Variants in PABPC1L observed in about 807,000 individuals in gnomAD.
PABPC1L encodes polyadenylate-binding protein 1-like.
PABPC1L carries 31 observed loss-of-function variants against 66.6 expected under a neutral mutation model. The observed-to-expected ratio is 0.47, with a 90% confidence interval of 0.35 to 0.63. The LOEUF (loss-of-function observed/expected upper bound fraction) is 0.63, where lower values mean the gene tolerates loss of function less well. Ranked by LOEUF, PABPC1L falls within the 20% of genes least tolerant of loss-of-function variation. The probability of loss-of-function intolerance (pLI) is 0.00; values close to 1 mark genes in which losing one functional copy is unlikely to be tolerated. For missense variants in PABPC1L, 722 were observed against 848.8 expected (o/e 0.85, Z 1.86); for synonymous variants, 348 against 335.1 (o/e 1.04, Z -0.42).
intron 12 of PABPC1L, chr20:44,937,119 C>T: frequency 2.5e-6 from 1 of 397,774 alleles, no homozygotes. Context: ...AGCTGCTGTT[C>T]ACCAGTTTCC....
chr20:44,933,831 A>G (rs1453859428), intron 10 of PABPC1L, among the ~76,000 whole-genome samples: 2 of 141,254 alleles, frequency 1.4e-5, no homozygotes, highest in Admixed American at 7.0e-5. Flanking sequence ...GCTCACTGCA[A>G]CCTCTGCCTC....
intron 1 of PABPC1L, 78 bp from the exon 2 acceptor site, chr20:44,912,582 A>T: frequency 7.9e-7 from 1 of 1,258,626 alleles, no homozygotes; most frequent in Non-Finnish European, 1.1e-6. Flanking sequence ...GCTCCCAGTT[A>T]AGCACCTCGA....
intron 12 of PABPC1L, among the ~76,000 whole-genome samples, chr20:44,937,636 A>G (rs1747391146): frequency 6.6e-6 from 1 of 152,110 alleles, no homozygotes; most frequent in African/African-American, 2.4e-5. Context: ...GCTGGTTTCA[A>G]ACTCCTGATC....
rs1601126714 is a variant in PABPC1L at position 44,935,632 on chromosome 20, A to G, written c.1566+135A>G. ...TTTCGTTTATTAATGTGTACAATCAATAAGAGATCACCCTTACTGCGAGAA... is the reference window on the plus strand; with the variant it reads ...TTTCGTTTATTAATGTGTACAATCAGTAAGAGATCACCCTTACTGCGAGAA... On this transcript the variant is annotated intron_variant, in intron 11 of 14. Coordinates refer to ENST00000217073, the MANE Select transcript of PABPC1L (RefSeq NM_001372179.1). 16 of 612,958 alleles carry G rather than the reference A, an allele frequency of 2.6e-5. No homozygotes were observed. In the East Asian group the frequency reaches 4.5e-4, roughly 17 times the overall value. The allele number at this position is 612,958 out of a possible 1,614,324, so 38.0% of individuals were successfully genotyped here.
In PABPC1L at chr20:44,938,731, T is replaced by C. The variant is rs768539710; in HGVS notation, c.1849T>C (p.Tyr617His). Reference sequence around the variant, plus strand: ...CCAGGCTATGGAGCAGCCGAAGGCGTACATGCACTGAAACCAGGTGGGTGG... The same window carrying C: ...CCAGGCTATGGAGCAGCCGAAGGCGCACATGCACTGAAACCAGGTGGGTGG... ...AHQAMEQPKA[Y>H]MH Residue 617 changes from tyrosine to histidine, a missense_variant, in exon 14 of 15, where the codon TAC (tyrosine) becomes CAC (histidine). By Grantham distance (83) the Tyr-to-His change is moderately conservative. Coordinates refer to ENST00000217073, the MANE Select transcript of PABPC1L (RefSeq NM_001372179.1). The C allele has an allele frequency of 5.0e-6, 8 of 1,611,460 alleles. No homozygotes were observed. In the Admixed American group the frequency reaches 8.4e-5, roughly 17 times the overall value.
intron 8 of PABPC1L, chr20:44,931,514 A>C (rs1012395523): frequency 6.6e-6 from 1 of 151,824 alleles, no homozygotes; most frequent in African/African-American, 2.4e-5. Context: ...ATTTTTTTGG[A>C]GACAGAGTCT....
chr20:44,933,230 G>C lies in PABPC1L; in HGVS notation c.1459+45G>C, dbSNP rs759832857. 10 of 1,506,990 alleles carry C rather than the reference G, an allele frequency of 6.6e-6. No individual in the cohort carries two copies. In the East Asian group the frequency reaches 2.4e-4, roughly 36 times the overall value. 93.4% of individuals were successfully genotyped at this position (1,506,990 alleles called of 1,614,324 possible). Reference sequence around the variant, plus strand: ...AGGGGAATGGGGGTGGGGCAAAGTTGGCACTAGGAGTCAGGACCAGCCTCC... The same window carrying C: ...AGGGGAATGGGGGTGGGGCAAAGTTCGCACTAGGAGTCAGGACCAGCCTCC... On this transcript the variant is annotated intron_variant, in intron 10 of 14. Coordinates refer to ENST00000217073, the MANE Select transcript of PABPC1L (RefSeq NM_001372179.1).
chr20:44,915,917 C>T (rs543259544), intron 2 of PABPC1L, among the ~76,000 whole-genome samples: 30 of 152,194 alleles, frequency 2.0e-4, no homozygotes, highest in Non-Finnish European at 3.5e-4. Flanking sequence ...TTCTTTCAGC[C>T]CTAGTCCCCA....
chr20:44,933,002 A>AT, intron 9 of PABPC1L, 55 bp from the exon 10 acceptor site: 1 of 1,255,752 alleles, frequency 8.0e-7, no homozygotes, highest in Non-Finnish European at 1.1e-6. Flanking sequence ...TGCCACCCTG[A>AT]TTATTCCCAC....
chr20:44,920,688 C>T (rs535865643), intron 5 of PABPC1L, among the ~76,000 whole-genome samples: 29 of 151,392 alleles, frequency 1.9e-4, no homozygotes, highest in African/African-American at 4.8e-4. Flanking sequence ...AGGCTGGTAT[C>T]GAACTCGTGA....
At chr20:44,927,107 A>C (rs1296296542) in intron 7 of PABPC1L, among the ~76,000 whole-genome samples, 2 of 151,654 alleles carry the variant, frequency 1.3e-5, no homozygotes, top group African/African-American at 4.8e-5. Flanking sequence ...GCTTGTCTTG[A>C]ACTCCTGGGC....
At chr20:44,912,914 G>A (rs2066715013) in intron 2 of PABPC1L, 61 bp downstream of exon 2, 3 of 1,478,222 alleles carry the variant, frequency 2.0e-6, no homozygotes, top group African/African-American at 1.4e-5. Context: ...CCTGGTAGAG[G>A]GGTGACAAGC....
intron 2 of PABPC1L, 63 bp downstream of exon 2, chr20:44,912,916 G>A (rs989200306): frequency 8.2e-6 from 12 of 1,464,122 alleles, no homozygotes; most frequent in South Asian, 1.3e-5. Context: ...TGGTAGAGGG[G>A]TGACAAGCAA....
intron 6 of PABPC1L, 103 bp downstream of exon 6, chr20:44,921,834 A>G: frequency 1.3e-6 from 2 of 1,546,532 alleles, no homozygotes; most frequent in Non-Finnish European, 1.7e-6. Context: ...ACTTCTGGGC[A>G]CTTGGCTCAA....
intron 7 of PABPC1L, among the ~76,000 whole-genome samples, chr20:44,924,941 A>G (rs1256775359): frequency 2.1e-5 from 3 of 144,982 alleles, no homozygotes; most frequent in African/African-American, 8.6e-5. Flanking sequence ...AGGCTGGGCA[A>G]TATGGCTCAC....
intron 7 of PABPC1L, among the ~76,000 whole-genome samples, chr20:44,924,902 T>G (rs1191312339): frequency 6.6e-6 from 1 of 151,232 alleles, no homozygotes; most frequent in Non-Finnish European, 1.5e-5. Context: ...GGGCCTGGGC[T>G]TTTTATTTTT....
rs1555799619 is a variant in PABPC1L at position 44,930,997 on chromosome 20, T to TTTCCTTCCTCCCTTCC, written c.1239+276_1239+291dup. On this transcript the variant is annotated intron_variant, in intron 8 of 14. Coordinates refer to ENST00000217073, the MANE Select transcript of PABPC1L (RefSeq NM_001372179.1). The stretch of plus-strand genomic sequence containing the variant: ...TGCTGCGTTAAGCAAGACCTACATT[T>TTTCCTTCCTCCCTTCC]TTCCTTCCTCCCTTCCTTCCCTTCC... Among the ~76,000 whole-genome samples, 120 of 93,920 alleles carry TTTCCTTCCTCCCTTCC rather than the reference T, an allele frequency of 1.3e-3. 1 individual carries two copies. The highest frequency in any genetic ancestry group is 4.5e-3 in the African/African-American group (100 of 22,410). The allele number at this position is 93,920 out of a possible 152,430, so 61.6% of individuals were successfully genotyped here. A position where few individuals can be genotyped will look rare whatever the true frequency, so the allele number is the denominator to read the frequency against.
intron 7 of PABPC1L, among the ~76,000 whole-genome samples, chr20:44,927,492 C>T (rs976786739): frequency 1.4e-4 from 22 of 151,964 alleles, no homozygotes; most frequent in Non-Finnish European, 1.3e-4. Context: ...GGATTACAGG[C>T]GCCTCTCACC....
Position 44,916,832 on chromosome 20 carries a change from T to A in PABPC1L, c.464T>A (p.Ile155Asn), listed in dbSNP as rs1264785416. Reference sequence around the variant, plus strand: ...ACCCATGAGGCCGCACAGCAGGCCATCAACACCATGAATGGGATGCTGCTG... The same window carrying A: ...ACCCATGAGGCCGCACAGCAGGCCAACAACACCATGAATGGGATGCTGCTG... ...FETHEAAQQA[I>N]NTMNGMLLND... The change falls in exon 3 of 15, where the codon ATC becomes AAC. Residue 155 changes from isoleucine (I) to asparagine (N), a missense_variant. Around this residue, in one of 3 missense-constraint regions of PABPC1L, gnomAD observed 284 missense variants for 294.8 expected, o/e 0.96. Coordinates refer to ENST00000217073, the MANE Select transcript of PABPC1L (RefSeq NM_001372179.1). 6.2e-7 allele frequency: 1 copy of A among 1,614,036 alleles called. No individual in the cohort carries two copies. The highest frequency in any genetic ancestry group is 8.5e-7 in the Non-Finnish European group (1 of 1,180,042).
Sources: allele counts gnomAD v4.1 joint callset (sites outside exome capture counted in the v4.1 genomes callset), GRCh38; gene constraint gnomAD v4.1.1; regional missense constraint gnomAD v4.1.1; transcripts MANE v1.5; gene names NCBI Gene and HGNC (gene_info 2026-07-23, HGNC 2026-07-21).